USP7: variants seen among roughly 807,000 people sequenced by gnomAD.
The protein encoded by USP7 is ubiquitin specific peptidase 7.
USP7 carries 9 observed loss-of-function variants against 162.9 expected under a neutral mutation model. The ratio of observed to expected loss-of-function variants is 0.06; its 90% CI spans 0.03 to 0.10. The LOEUF (loss-of-function observed/expected upper bound fraction) is 0.10. USP7 is among the 10% of genes least tolerant of loss of function. The pLI is 1.00. For missense variants in USP7, 715 were observed against 1,373.7 expected (o/e 0.52, Z 7.58); for synonymous variants, 562 against 475.9 (o/e 1.18, Z -2.35).
rs1481054670 is a variant in USP7, at chr16:8,963,301, G to C, written c.-16C>G. The C allele has an allele frequency of 8.7e-7, 1 of 1,143,518 alleles. No homozygotes were observed. The highest frequency in any genetic ancestry group is 3.9e-5 in the Admixed American group (1 of 25,336). 70.8% of individuals were successfully genotyped at this position (1,143,518 alleles called of 1,614,324 possible). On this transcript the variant is annotated 5_prime_UTR_variant, in exon 1 of 31. Coordinates refer to ENST00000344836, the MANE Select transcript of USP7 (RefSeq NM_003470.3). ...GGTGGTTCATGTCGGCCGCGGCCTGGGCCTCGCCTGCGGCCGGGGGCCGGG... is the reference window on the plus strand; with the variant it reads ...GGTGGTTCATGTCGGCCGCGGCCTGCGCCTCGCCTGCGGCCGGGGGCCGGG...
At position 8,905,312 on chromosome 16, in the gene USP7, T is replaced by C; in HGVS notation, c.1448A>G (p.Asp483Gly). Residue 483 changes from aspartate to glycine, a missense_variant, in exon 14 of 31, where the codon GAC becomes GGC. Physicochemically the swap from Asp to Gly is moderately conservative, Grantham distance 94. Transcript: ENST00000344836. ...GDGKWCKFDD[D>G]VVSRCTKEEA... is the part of the protein sequence containing the mutation. ...CTCTTTAGTACACCTTGACACCACGTCGTCATCAAATTTACACCACTGCAA... is the reference window on the plus strand; with the variant it reads ...CTCTTTAGTACACCTTGACACCACGCCGTCATCAAATTTACACCACTGCAA... 1 of 1,614,146 alleles carries C rather than the reference T, an allele frequency of 6.2e-7. No homozygotes were observed. Among genetic ancestry groups the C allele is most frequent in the Non-Finnish European group, 8.5e-7 (1 of 1,179,988 alleles).
At chr16:8,950,352 T>C (rs1004054373) in intron 1 of USP7, among the ~76,000 whole-genome samples, 36 of 152,090 alleles carry the variant, frequency 2.4e-4, no homozygotes, top group African/African-American at 8.5e-4. Flanking sequence ...ACACTCAAGA[T>C]TAAAACAGTA....
At chr16:8,957,296 G>T (rs185120081) in intron 1 of USP7, among the ~76,000 whole-genome samples, 2 of 152,266 alleles carry the variant, frequency 1.3e-5, no homozygotes. Context: ...AATTAGTTCA[G>T]AACAAGTAAT....
chr16:8,959,824 A>G (rs1899939964), intron 1 of USP7, among the ~76,000 whole-genome samples: 2 of 150,336 alleles, frequency 1.3e-5, no homozygotes, highest in South Asian at 4.1e-4. Flanking sequence ...CCCCCGTAAC[A>G]AAAAACACAG....
rs747970385 is a variant in USP7 at position 8,906,624 on chromosome 16, A to G, written c.1272-42T>C. 1.9e-6 allele frequency: 3 copies of G among 1,580,098 alleles called. No individual in the cohort carries two copies. The South Asian group carries it at 3.4e-5, about 18-fold the overall frequency. On this transcript the variant is annotated intron_variant, in intron 12 of 30. Coordinates refer to ENST00000344836, the MANE Select transcript of USP7 (RefSeq NM_003470.3). ...TAAAAGAAATTCAGTATTAATTTAC[A>G]CAAAAAATATCACACTTTACAGTAA...
intron 13 of USP7, among the ~76,000 whole-genome samples, chr16:8,905,945 G>A (rs1458826430): frequency 6.6e-6 from 1 of 152,170 alleles, no homozygotes; most frequent in East Asian, 1.9e-4. Context: ...GGAGCTCGGT[G>A]CTGGCCCTGT....
chr16:8,928,717 C>G (rs1222404230), intron 2 of USP7, among the ~76,000 whole-genome samples: 1 of 152,204 alleles, frequency 6.6e-6, no homozygotes, highest in Non-Finnish European at 1.5e-5. Flanking sequence ...ACTCAACCTT[C>G]TCGGATTATA....
intron 1 of USP7, among the ~76,000 whole-genome samples, chr16:8,943,979 G>C (rs552909529): frequency 1.3e-5 from 2 of 152,206 alleles, no homozygotes; most frequent in East Asian, 3.9e-4. Flanking sequence ...AAAACTATAA[G>C]GTGCGGGGGA....
At chr16:8,919,207 C>T in intron 5 of USP7, 68 bp from the exon 6 acceptor site, 1 of 1,509,644 alleles carries the variant, frequency 6.6e-7, no homozygotes, top group South Asian at 1.1e-5. Context: ...GTGTGTGAAG[C>T]AATCTGACTC....
At chr16:8,942,840 A>G (rs2437718) in intron 1 of USP7, among the ~76,000 whole-genome samples, 150,802 of 152,318 alleles carry the variant, frequency 0.99, 74,669 homozygotes, top group East Asian at 1. Context: ...GAGCCACCAC[A>G]TCCAGCCACT....
rs749570604 is a variant in USP7 at position 8,963,255 on chromosome 16, T to TCTGCTG, written c.25_30dup (p.Gln9_Gln10dup). The TCTGCTG allele has an allele frequency of 3.3e-5, 46 of 1,373,160 alleles. No homozygotes were observed. The highest frequency in any genetic ancestry group is 9.2e-5 in the African/African-American group (6 of 65,422). 85.1% of individuals were successfully genotyped at this position (1,373,160 alleles called of 1,614,324 possible). ...TCGCTCAACTGCTGCTCGCCCGCTT[T>TCTGCTG]CTGCTGCTGCTGCTGCTGCTGGTGG... On this transcript the variant is annotated inframe_insertion, in exon 1 of 31. Coordinates refer to ENST00000344836, the MANE Select transcript of USP7 (RefSeq NM_003470.3).
At chr16:8,933,539 T>C (rs1408847582) in intron 1 of USP7, among the ~76,000 whole-genome samples, 3 of 152,190 alleles carry the variant, frequency 2.0e-5, no homozygotes, top group African/African-American at 7.2e-5. Context: ...CAGAAGAACC[T>C]ACTAGAGATT....
At chr16:8,911,448 C>G (rs748433398) in intron 10 of USP7, among the ~76,000 whole-genome samples, 1 of 152,216 alleles carries the variant, frequency 6.6e-6, no homozygotes, top group Middle Eastern at 3.2e-3. Context: ...GACAAGCTCT[C>G]AATCCAACAC....
chr16:8,907,039 G>C (rs553850663), intron 12 of USP7, among the ~76,000 whole-genome samples: 2 of 152,236 alleles, frequency 1.3e-5, no homozygotes, highest in South Asian at 4.2e-4. Flanking sequence ...AAAATTAACA[G>C]AGGCAGGAAG....
At chr16:8,957,445 G>A (rs576125801) in intron 1 of USP7, among the ~76,000 whole-genome samples, 73 of 152,096 alleles carry the variant, frequency 4.8e-4, no homozygotes, top group Admixed American at 3.1e-3. Flanking sequence ...TGTTACTCAT[G>A]CAAAAAACCA....
chr16:8,909,080 T>C (rs1596364799), intron 11 of USP7, among the ~76,000 whole-genome samples: 1 of 152,340 alleles, frequency 6.6e-6, no homozygotes, highest in East Asian at 1.9e-4. Flanking sequence ...CCGGACTCTG[T>C]GGGACAGGAC....
chr16:8,951,079 T>C (rs1254750750), intron 1 of USP7, among the ~76,000 whole-genome samples: 2 of 152,204 alleles, frequency 1.3e-5, no homozygotes, highest in Non-Finnish European at 2.9e-5. Flanking sequence ...AAAAAAGCCA[T>C]GTTTATTTCT....
chr16:8,941,852 G>C (rs912474865), intron 1 of USP7, among the ~76,000 whole-genome samples: 1 of 152,236 alleles, frequency 6.6e-6, no homozygotes, highest in African/African-American at 2.4e-5. Context: ...GCAGGGAACT[G>C]GGTGGACACG....
intron 3 of USP7, among the ~76,000 whole-genome samples, chr16:8,922,425 T>C (rs1254455192): frequency 6.6e-6 from 1 of 151,902 alleles, no homozygotes; most frequent in Non-Finnish European, 1.5e-5. Context: ...GAGGTGGAGG[T>C]TGTGGTGAGC....
Sources: allele counts gnomAD v4.1 joint callset (sites outside exome capture counted in the v4.1 genomes callset), GRCh38; gene constraint gnomAD v4.1.1; transcripts MANE v1.5; gene names NCBI Gene and HGNC (gene_info 2026-07-23, HGNC 2026-07-21).